NKTR: variants seen among roughly 807,000 people sequenced by gnomAD.
NKTR encodes natural killer cell triggering receptor.
A neutral mutation model predicts 156.3 loss-of-function variants in NKTR; 67 were observed. The observed-to-expected ratio is 0.43, with a 90% CI of 0.35 to 0.53. The LOEUF (loss-of-function observed/expected upper bound fraction) is 0.53. Ranked by LOEUF, NKTR falls within the 20% of genes least tolerant of loss-of-function variation. The pLI, the probability that NKTR is intolerant of heterozygous loss-of-function variation, is 0.01. For synonymous variants in NKTR, 640 were observed against 596.6 expected (o/e 1.07, Z -1.06); for missense variants, 1,604 against 1,730.9 (o/e 0.93, Z 1.30).
Position 42,637,835 on chromosome 3 carries a change from A to C in NKTR, c.2131A>C (p.Ser711Arg). Residue 711 changes from serine to arginine, a missense_variant, in exon 13 of 17, where the codon AGT becomes CGT. Transcript: ENST00000232978. ...SYSRSYTRSR[S>R]LASSHSRSRS... ...TTCCAGATCATATACAAGATCACGT[A>C]GTCTAGCTAGTTCACATTCAAGGTC... The C allele has an allele frequency of 6.2e-7, 1 of 1,613,868 alleles. No individual in the cohort carries two copies. Among genetic ancestry groups the C allele is most frequent in the Admixed American group, 1.7e-5 (1 of 60,018 alleles).
At chr3:42,636,763 TA>T (rs1253340894) in intron 12 of NKTR, 104 bp from the exon 13 acceptor site, 1 of 1,442,936 alleles carries the variant, frequency 6.9e-7, no homozygotes, top group African/African-American at 1.4e-5. Context: ...TGCGTGTGCT[TA>T]AAGTGTTAAT....
At chr3:42,615,637 C>G (rs1707284318) in intron 2 of NKTR, among the ~76,000 whole-genome samples, 2 of 151,860 alleles carry the variant, frequency 1.3e-5, no homozygotes, top group African/African-American at 4.8e-5. Context: ...TAAGAAAAGC[C>G]CTATGTTTTG....
At chr3:42,622,157 T>G (rs550366709) in intron 6 of NKTR, among the ~76,000 whole-genome samples, 16 of 152,088 alleles carry the variant, frequency 1.1e-4, no homozygotes, top group Non-Finnish European at 2.4e-4. Flanking sequence ...AATTTGCTTT[T>G]GAAAAAGCAA....
chr3:42,627,177 C>T, intron 6 of NKTR: 6 of 963,174 alleles, frequency 6.2e-6, no homozygotes, highest in African/African-American at 1.8e-5. Context: ...TTATTTCTTG[C>T]CATTTTTGTG....
intron 15 of NKTR, 56 bp from the exon 16 acceptor site, chr3:42,643,846 G>T (rs890050860): frequency 2.4e-6 from 3 of 1,225,666 alleles, no homozygotes; most frequent in African/African-American, 3.0e-5. Context: ...AAAGAAATAG[G>T]AACATATGAG....
At chr3:42,611,499 C>T (rs1706803003) in intron 2 of NKTR, among the ~76,000 whole-genome samples, 1 of 151,868 alleles carries the variant, frequency 6.6e-6, no homozygotes, top group Non-Finnish European at 1.5e-5. Flanking sequence ...TCTGGGAGGT[C>T]GAGGCGGGCA....
intron 2 of NKTR, chr3:42,602,180 G>C (rs765732119): frequency 2.6e-5 from 4 of 151,822 alleles, no homozygotes; most frequent in Non-Finnish European, 4.4e-5. Context: ...ACCTTTTTTT[G>C]GTAACTTTTT....
chr3:42,617,738 T>C, intron 3 of NKTR, 94 bp downstream of exon 3: 4 of 633,134 alleles, frequency 6.3e-6, no homozygotes, highest in Non-Finnish European at 1.1e-5. Flanking sequence ...AATGGACTCG[T>C]GAAATTAGTT....
intron 6 of NKTR, among the ~76,000 whole-genome samples, chr3:42,622,690 T>C (rs114398523): frequency 5.3e-5 from 8 of 152,176 alleles, no homozygotes; most frequent in South Asian, 2.1e-4. Context: ...TTATTTGTTA[T>C]TACTCTTCTT....
chr3:42,618,630 T>A (rs984072565), intron 3 of NKTR, among the ~76,000 whole-genome samples: 4 of 151,946 alleles, frequency 2.6e-5, no homozygotes, highest in Admixed American at 6.6e-5. Context: ...TTTTTTTTTT[T>A]AGAGGCAGAA....
At position 42,639,341 on chromosome 3, in the gene NKTR, G is replaced by T. The variant is rs1193995338; in HGVS notation, c.3637G>T (p.Val1213Leu). Reference sequence around the variant, plus strand: ...TGGAGAAAGTACCGGGAAGAAGGAGGTGGCTGAGAAGAGCCAGATCAACCT... The same window carrying T: ...TGGAGAAAGTACCGGGAAGAAGGAGTTGGCTGAGAAGAGCCAGATCAACCT... ...SAGESTGKKEVAEKSQINLID... is the reference protein window; with the variant it reads ...SAGESTGKKELAEKSQINLID... Residue 1213 changes from valine to leucine, a missense_variant, in exon 13 of 17, where the codon GTG becomes TTG. Physicochemically the swap from Val to Leu is conservative, Grantham distance 32 (BLOSUM62 1). Around this residue, in one of 6 missense-constraint regions of NKTR, gnomAD observed 1,255 missense variants for 1,243.7 expected, o/e 1.01. Transcript: ENST00000232978. 4 of 1,610,448 alleles carry T rather than the reference G, an allele frequency of 2.5e-6. No individual in the cohort carries two copies. In the Admixed American group the frequency reaches 6.7e-5, roughly 27 times the overall value.
chr3:42,619,850 G>A, intron 5 of NKTR, 142 bp downstream of exon 5: 1 of 1,450,050 alleles, frequency 6.9e-7, no homozygotes, highest in Non-Finnish European at 9.1e-7. Flanking sequence ...TTATTTGCAT[G>A]AATTTGGGGA....
intron 9 of NKTR, chr3:42,633,108 T>C (rs980326615): frequency 6.9e-6 from 5 of 728,816 alleles, no homozygotes; most frequent in South Asian, 1.0e-4. Flanking sequence ...GGCACAATTA[T>C]AGCTCACTGC....
chr3:42,643,930 AGGAGTC>A lies in NKTR; in HGVS notation c.4236_4241del (p.Arg1416_Ser1417del). ...CTACACCTACGATAGCTACTATAGCAGGAGTCGGAGTCGAAGTAGAAGCCAGAGAAG... is the reference window on the plus strand; with the variant it reads ...CTACACCTACGATAGCTACTATAGCAGGAGTCGAAGTAGAAGCCAGAGAAG... On this transcript the variant is annotated inframe_deletion, in exon 16 of 17. Transcript: ENST00000232978. The A allele has an allele frequency of 1.9e-6, 3 of 1,614,052 alleles. No homozygotes were observed. The highest frequency in any genetic ancestry group is 2.5e-6 in the Non-Finnish European group (3 of 1,179,956).
chr3:42,620,346 T>C, intron 5 of NKTR: 1 of 1,120,468 alleles, frequency 8.9e-7, no homozygotes, highest in Non-Finnish European at 1.1e-6. Context: ...TTTTGTATAT[T>C]AGAACTATGA....
chr3:42,604,489 T>C (rs1705993075), intron 2 of NKTR, among the ~76,000 whole-genome samples: 1 of 151,866 alleles, frequency 6.6e-6, no homozygotes, highest in South Asian at 2.1e-4. Flanking sequence ...TGCACTTGAA[T>C]GTACATTTTT....
chr3:42,637,489 A>T lies in NKTR; in HGVS notation c.1785A>T (p.Val595=), dbSNP rs751835304. The T allele has an allele frequency of 2.5e-6, 4 of 1,613,990 alleles. No homozygotes were observed. Among genetic ancestry groups the T allele is most frequent in the Non-Finnish European group, 3.4e-6 (4 of 1,179,948 alleles). Residue 595 remains valine (V), a synonymous_variant, in exon 13 of 17, where the codon GTA becomes GTT. Transcript: ENST00000232978. Reference sequence around the variant, plus strand: ...CAACCATGGCACAAAATGAAAATGTAGTAGTACAACCAGTTGTAGCAGAAA... The same window carrying T: ...CAACCATGGCACAAAATGAAAATGTTGTAGTACAACCAGTTGTAGCAGAAA... ...LRATMAQNEN[V]VVQPVVAENI...
intron 6 of NKTR, chr3:42,627,311 GAAAA>G (rs536244571): frequency 4.9e-6 from 4 of 817,710 alleles, no homozygotes; most frequent in Non-Finnish European, 5.9e-6. Flanking sequence ...AACATTTTAA[GAAAA>G]AAAAAAACTT....
intron 12 of NKTR, chr3:42,635,622 A>C: frequency 3.7e-6 from 1 of 267,454 alleles, no homozygotes; most frequent in South Asian, 1.0e-4. Context: ...AATTTTAGAA[A>C]TAATTAGGAC....
Sources: allele counts gnomAD v4.1 joint callset (sites outside exome capture counted in the v4.1 genomes callset), GRCh38; gene constraint gnomAD v4.1.1; regional missense constraint gnomAD v4.1.1; transcripts MANE v1.5; gene names NCBI Gene and HGNC (gene_info 2026-07-23, HGNC 2026-07-21).